HERC1: variants seen among roughly 807,000 people sequenced by gnomAD.
HERC1 encodes the protein probable E3 ubiquitin-protein ligase HERC1.
In HERC1, 160 loss-of-function variants were observed where a neutral mutation model predicts 554.3. The ratio of observed to expected loss-of-function variants is 0.29; its 90% CI spans 0.25 to 0.33. HERC1 has a LOEUF of 0.33. Ranked by LOEUF, HERC1 falls within the 10% of genes least tolerant of loss-of-function variation. The pLI is 1.00. For synonymous variants in HERC1, 2,175 were observed against 2,131.7 expected (o/e 1.02, Z -0.56); for missense variants, 4,919 against 5,918.5 (o/e 0.83, Z 5.54).
At chr15:63,808,916 A>AT (rs540020022) in intron 1 of HERC1, among the ~76,000 whole-genome samples, 247 of 152,312 alleles carry the variant, frequency 1.6e-3, no homozygotes, top group Non-Finnish European at 2.7e-3. Flanking sequence ...GACAATCAAC[A>AT]TTTTTAGTAA....
At chr15:63,790,542 C>T (rs1187977087) in intron 1 of HERC1, among the ~76,000 whole-genome samples, 1 of 152,072 alleles carries the variant, frequency 6.6e-6, no homozygotes, top group Non-Finnish European at 1.5e-5. Flanking sequence ...CGCACCACTG[C>T]ACTCCAGCCT....
intron 21 of HERC1, 109 bp from the exon 22 acceptor site, chr15:63,716,582 A>G (rs2073564875): frequency 1.1e-6 from 1 of 873,650 alleles, no homozygotes; most frequent in Non-Finnish European, 1.7e-6. Flanking sequence ...GATATCAGTA[A>G]TAACACATGA....
chr15:63,756,387 A>G lies in HERC1; in HGVS notation c.1533+50T>C, dbSNP rs376687657. The G allele has an allele frequency of 5.6e-5, 80 of 1,434,244 alleles. No individual in the cohort carries two copies. In the African/African-American group the frequency reaches 1.1e-3, roughly 20 times the overall value. The allele number at this position is 1,434,244 out of a possible 1,614,324, so 88.8% of individuals were successfully genotyped here. A position where few individuals can be genotyped will look rare whatever the true frequency, so the allele number is the denominator to read the frequency against. On this transcript the variant is annotated intron_variant, in intron 5 of 77. Coordinates refer to ENST00000443617, the MANE Select transcript of HERC1 (RefSeq NM_003922.4). The surrounding 1 kb of genome is among the most constrained non-coding windows in gnomAD (Gnocchi z 5.0). ...CAAAATCTGAACGACATTGTCAATT[A>G]CAACTCCAATGCATCTAATTATTTT...
chr15:63,768,001 C>T (rs1015384662), intron 2 of HERC1, among the ~76,000 whole-genome samples: 2 of 151,862 alleles, frequency 1.3e-5, no homozygotes, highest in South Asian at 2.1e-4. Flanking sequence ...TCTCCGTTAT[C>T]GCCCCACCCC....
intron 3 of HERC1, among the ~76,000 whole-genome samples, chr15:63,760,914 A>T (rs1487419593): frequency 1.3e-5 from 2 of 152,192 alleles, no homozygotes; most frequent in African/African-American, 2.4e-5. Flanking sequence ...AGAAAAAAAA[A>T]TCCTTTGGGC....
chr15:63,643,666 AT>A, intron 57 of HERC1, 116 bp from the exon 58 acceptor site: 3 of 679,152 alleles, frequency 4.4e-6, no homozygotes, highest in Non-Finnish European at 7.1e-6. Context: ...AGGGGGAGAG[AT>A]AATTTCTCTC....
At chr15:63,809,034 T>A (rs2077217906) in intron 1 of HERC1, among the ~76,000 whole-genome samples, 1 of 152,168 alleles carries the variant, frequency 6.6e-6, no homozygotes, top group Non-Finnish European at 1.5e-5. Context: ...ATATCAGAAG[T>A]AAGTACTCTG....
intron 1 of HERC1, among the ~76,000 whole-genome samples, chr15:63,794,842 G>C (rs1316056669): frequency 6.6e-6 from 1 of 151,908 alleles, no homozygotes; most frequent in Non-Finnish European, 1.5e-5. Flanking sequence ...GAGGTGGGCG[G>C]ATCACCTGAG....
chr15:63,662,308 G>A (rs2070398528), intron 44 of HERC1, among the ~76,000 whole-genome samples: 2 of 151,496 alleles, frequency 1.3e-5, no homozygotes, highest in Non-Finnish European at 1.5e-5. Context: ...CTCAAAATGA[G>A]GCTTTTTAAA....
intron 1 of HERC1, among the ~76,000 whole-genome samples, chr15:63,807,506 T>C (rs1402440409): frequency 2.0e-5 from 3 of 152,158 alleles, no homozygotes; most frequent in African/African-American, 7.2e-5. Context: ...TACTAATGGC[T>C]TCCCAATAGT....
chr15:63,646,987 G>C (rs2069384278), intron 55 of HERC1, among the ~76,000 whole-genome samples: 1 of 152,066 alleles, frequency 6.6e-6, no homozygotes, highest in Non-Finnish European at 1.5e-5. Context: ...ATGCACGTTG[G>C]CTCACGCCTG....
intron 4 of HERC1, among the ~76,000 whole-genome samples, chr15:63,757,019 G>A (rs1398421342): frequency 6.6e-6 from 1 of 151,824 alleles, no homozygotes; most frequent in Non-Finnish European, 1.5e-5. Flanking sequence ...AAAGTAAAAC[G>A]CTTAATATCC....
chr15:63,693,849 A>G, intron 30 of HERC1, 115 bp downstream of exon 30: 1 of 1,097,366 alleles, frequency 9.1e-7, no homozygotes, highest in Non-Finnish European at 1.3e-6. Context: ...AAATAAACAA[A>G]TAAAAATCCC....
In HERC1 at chr15:63,819,252, G is replaced by C. The variant is rs887113508; in HGVS notation, c.-27+14575C>G. On this transcript the variant is annotated intron_variant, in intron 1 of 77. Coordinates refer to ENST00000443617, the MANE Select transcript of HERC1 (RefSeq NM_003922.4). ...TAAAAAAAGAACAACTAGAGGTTGA[G>C]ATTATTCAGGGGCTCATTCCTAAGG... Among the ~76,000 whole-genome samples the C allele has an allele frequency of 7.8e-4, 119 of 152,252 alleles. 1 individual carries two copies. Among genetic ancestry groups the C allele is most frequent in the African/African-American group, 2.8e-3 (117 of 41,538 alleles).
chr15:63,739,647 T>C (rs2074707539), intron 12 of HERC1, among the ~76,000 whole-genome samples: 1 of 151,052 alleles, frequency 6.6e-6, no homozygotes, highest in Non-Finnish European at 1.5e-5. Flanking sequence ...AAGACCAGCC[T>C]GGCCAACATG....
At chr15:63,669,854 T>C (rs2070814762) in intron 39 of HERC1, among the ~76,000 whole-genome samples, 156 bp from the exon 40 acceptor site, 1 of 152,224 alleles carries the variant, frequency 6.6e-6, no homozygotes, top group African/African-American at 2.4e-5. Context: ...GTTTTAAAAA[T>C]GATTATCTCA....
chr15:63,801,094 G>A (rs1182364530), intron 1 of HERC1, among the ~76,000 whole-genome samples: 2 of 152,154 alleles, frequency 1.3e-5, no homozygotes, highest in Non-Finnish European at 1.5e-5. Flanking sequence ...TGGCATGTCA[G>A]GAAAAGGCAT....
rs2068498920 is a variant in HERC1, at chr15:63,630,478, A to G, written c.12954T>C (p.Asn4318=). 4 of 1,612,352 alleles carry G rather than the reference A, an allele frequency of 2.5e-6. No individual in the cohort carries two copies. The highest frequency in any genetic ancestry group is 2.2e-5 in the East Asian group (1 of 44,884). Residue 4318 remains asparagine, a synonymous_variant, in exon 69 of 78, where the codon AAT becomes AAC. Transcript: ENST00000443617. The part of the protein sequence containing the change: ...SNGDVYAWGS[N]SEGQLGLGHT... ...TATAAATATTTACCTGCCCTTCTGAATTGCTCCCCCAGGCATACACATCTC... is the reference window on the plus strand; with the variant it reads ...TATAAATATTTACCTGCCCTTCTGAGTTGCTCCCCCAGGCATACACATCTC...
chr15:63,718,059 G>C lies in HERC1; in HGVS notation c.3978+515C>G, dbSNP rs568220234. ...CCTCTCTTACAGAGAAGCTCTTTAA[G>C]TATTTTTAAGGCAGCTATTATGTGA... On this transcript the variant is annotated intron_variant, in intron 21 of 77. Transcript: ENST00000443617. This position sits in a 1 kb window ranked among gnomAD's most constrained non-coding sequence, Gnocchi z 4.2. Among the ~76,000 whole-genome samples the C allele has an allele frequency of 1.4e-5, 2 of 147,106 alleles. No individual in the cohort carries two copies. The highest frequency in any genetic ancestry group is 6.9e-5 in the Admixed American group (1 of 14,514).
Sources: gnomAD v4.1 joint callset for allele counts (sites outside exome capture counted in the v4.1 genomes callset) on GRCh38, gnomAD v4.1.1 for gene constraint, Gnocchi (gnomAD v3.1) non-coding constraint, MANE v1.5 for transcripts, NCBI Gene and HGNC (gene_info 2026-07-23, HGNC 2026-07-21) for gene names.